SMARCB1: variants seen among roughly 807,000 people sequenced by gnomAD.
SMARCB1 encodes SWI/SNF-related matrix-associated actin-dependent regulator of chromatin subfamily B member 1.
A neutral mutation model predicts 49.0 loss-of-function variants in SMARCB1; 5 were observed. That is an observed-to-expected ratio of 0.10 (90% CI 0.05 to 0.21). SMARCB1 has a LOEUF of 0.21. Among genes scored for constraint, SMARCB1 ranks in the 10% least tolerant of loss-of-function variants. The pLI is 1.00. For missense variants in SMARCB1, 226 were observed against 509.2 expected (o/e 0.44, Z 5.35); for synonymous variants, 201 against 200.1 (o/e 1.00, Z -0.04).
At chr22:23,816,676 G>A in intron 5 of SMARCB1, 94 bp from the exon 6 acceptor site, 1 of 1,191,268 alleles carries the variant, frequency 8.4e-7, no homozygotes, top group Non-Finnish European at 1.2e-6. Flanking sequence ...TGCATCCGGA[G>A]ATGTTTGGCT....
At chr22:23,794,653 G>A (rs567338913) in intron 3 of SMARCB1, among the ~76,000 whole-genome samples, 6 of 152,072 alleles carry the variant, frequency 3.9e-5, no homozygotes, top group South Asian at 2.1e-4. Flanking sequence ...AATCCCAGCA[G>A]TTTGGGAGGC....
intron 3 of SMARCB1, 92 bp downstream of exon 3, chr22:23,793,780 AC>A: frequency 1.1e-6 from 1 of 923,406 alleles, no homozygotes; most frequent in Non-Finnish European, 1.5e-6. Context: ...AAATTGAAAC[AC>A]TTTTTTTTTT....
At chr22:23,789,858 T>G (rs1928265743) in intron 1 of SMARCB1, among the ~76,000 whole-genome samples, 2 of 152,202 alleles carry the variant, frequency 1.3e-5, no homozygotes, top group South Asian at 4.1e-4. Context: ...AGGCACTGTA[T>G]TCAGAGAGGT....
At chr22:23,831,281 T>C (rs993272786) in intron 7 of SMARCB1, among the ~76,000 whole-genome samples, 1 of 152,226 alleles carries the variant, frequency 6.6e-6, no homozygotes, top group African/African-American at 2.4e-5. Flanking sequence ...CATGAGGTCA[T>C]GAAAGTGAGA....
rs868604050 is a variant in SMARCB1 at position 23,837,445 on chromosome 22, A to G, written c.*3265A>G. 4.6e-6 allele frequency: 3 copies of G among 651,440 alleles called. No individual in the cohort carries two copies. Among genetic ancestry groups the G allele is most frequent in the Middle Eastern group, 8.4e-4 (2 of 2,386 alleles). The allele number at this position is 651,440 out of a possible 1,614,324, so 40.4% of individuals were successfully genotyped here. A position where few individuals can be genotyped will look rare whatever the true frequency, so the allele number is the denominator to read the frequency against. ...TCCTCACTCCCATCAGGACCGTGCA[A>G]GCATCAGTAGATCCGTCCTGACGAT... On this transcript the variant is annotated 3_prime_UTR_variant, in exon 9 of 9. Transcript: ENST00000644036.
rs35467918 is a variant in SMARCB1, at chr22:23,814,557, C to T, written c.629-2213C>T. Among the ~76,000 whole-genome samples, 762 of 149,284 alleles carry T rather than the reference C, an allele frequency of 5.1e-3. 7 individuals carry two copies. The highest frequency in any genetic ancestry group is 0.017 in the African/African-American group (703 of 40,472). On this transcript the variant is annotated intron_variant, in intron 5 of 8. Coordinates refer to ENST00000644036, the MANE Select transcript of SMARCB1 (RefSeq NM_003073.5). ...GCGCATGCCTGTAACCCCAGCTACT[C>T]GGGCGGGTGAGGCAGGAGAATCGCT...
At chr22:23,793,119 A>G (rs1180138880) in intron 2 of SMARCB1, 1 of 265,096 alleles carries the variant, frequency 3.8e-6, no homozygotes, top group Non-Finnish European at 7.5e-6. Context: ...TTCATCTTCC[A>G]TTCCATCTCC....
In SMARCB1 at chr22:23,836,928, T is replaced by G. The variant is rs1390772646; in HGVS notation, c.*2748T>G. 7.1e-6 allele frequency: 11 copies of G among 1,555,570 alleles called. No individual in the cohort carries two copies. The highest frequency in any genetic ancestry group is 1.4e-5 in the African/African-American group (1 of 72,790). ...TGTTCCTCAGGGAGGGGCAGGTAAT[T>G]GGGGTCTTCTGCAGGGGCATCCAGG... is the stretch of plus-strand genomic sequence containing the variant. On this transcript the variant is annotated 3_prime_UTR_variant, in exon 9 of 9. Coordinates refer to ENST00000644036, the MANE Select transcript of SMARCB1 (RefSeq NM_003073.5).
At chr22:23,803,608 G>A (rs893448949) in intron 5 of SMARCB1, 186 bp downstream of exon 5, 7 of 735,062 alleles carry the variant, frequency 9.5e-6, no homozygotes, top group Non-Finnish European at 1.6e-5. Context: ...ACTGTGGATT[G>A]GGCCTGTGAA....
intron 7 of SMARCB1, among the ~76,000 whole-genome samples, chr22:23,828,837 T>C (rs2030514987): frequency 6.6e-6 from 1 of 152,172 alleles, no homozygotes; most frequent in Non-Finnish European, 1.5e-5. Context: ...ACAGGACATG[T>C]GTGTGCAAGG....
At chr22:23,800,045 T>G (rs1929045286) in intron 3 of SMARCB1, among the ~76,000 whole-genome samples, 1 of 152,000 alleles carries the variant, frequency 6.6e-6, no homozygotes, top group South Asian at 2.1e-4. Flanking sequence ...GCCAGGCTGG[T>G]CTTGATCTCC....
intron 5 of SMARCB1, chr22:23,816,381 A>G: frequency 2.6e-6 from 1 of 381,740 alleles, no homozygotes. Context: ...CCTCTGTGCC[A>G]TCACGTCTGC....
Position 23,802,589 on chromosome 22 carries a change from C to T in SMARCB1, c.501-706C>T, listed in dbSNP as rs145978043. 26 of 161,262 alleles carry T rather than the reference C, an allele frequency of 1.6e-4. No homozygotes were observed. The East Asian group carries it at 4.6e-3, about 29-fold the overall frequency. 10.0% of individuals were successfully genotyped at this position (161,262 alleles called of 1,614,324 possible). Reference sequence around the variant, plus strand: ...CAGCGCATTCATGCCTGGCACTCAGCTCACTTTTCTCTGTCTTCCATCTAC... The same window carrying T: ...CAGCGCATTCATGCCTGGCACTCAGTTCACTTTTCTCTGTCTTCCATCTAC... On this transcript the variant is annotated intron_variant, in intron 4 of 8. Coordinates refer to ENST00000644036, the MANE Select transcript of SMARCB1 (RefSeq NM_003073.5).
intron 3 of SMARCB1, among the ~76,000 whole-genome samples, chr22:23,799,068 A>AG: frequency 6.6e-6 from 1 of 150,868 alleles, no homozygotes; most frequent in African/African-American, 2.4e-5. Flanking sequence ...AAAAAAAAAA[A>AG]GTTTGTCATG....
chr22:23,829,053 G>A (rs1317695891), intron 7 of SMARCB1, among the ~76,000 whole-genome samples: 1 of 152,234 alleles, frequency 6.6e-6, no homozygotes, highest in Non-Finnish European at 1.5e-5. Flanking sequence ...AGCGAAAGGA[G>A]GGAGACAGGG....
chr22:23,797,863 T>A (rs1254026746), intron 3 of SMARCB1, among the ~76,000 whole-genome samples: 1 of 146,920 alleles, frequency 6.8e-6, no homozygotes, highest in African/African-American at 2.5e-5. Context: ...AGGTGATCCG[T>A]CCGCCTCGGC....
chr22:23,794,401 C>T (rs1333363827), intron 3 of SMARCB1, among the ~76,000 whole-genome samples: 1 of 152,090 alleles, frequency 6.6e-6, no homozygotes, highest in Non-Finnish European at 1.5e-5. Context: ...AAGTGGGACT[C>T]GTGGGGCACA....
At chr22:23,806,702 A>C (rs1286888529) in intron 5 of SMARCB1, among the ~76,000 whole-genome samples, 6 of 152,128 alleles carry the variant, frequency 3.9e-5, no homozygotes, top group Non-Finnish European at 7.4e-5. Flanking sequence ...TGGGAAGATC[A>C]CTTGAGGCCA....
At chr22:23,823,016 T>A (rs1433389210) in intron 6 of SMARCB1, 2 of 133,394 alleles carry the variant, frequency 1.5e-5, no homozygotes, top group Non-Finnish European at 3.1e-5. Flanking sequence ...AGTCTCGCTG[T>A]GTTGCCCAGG....
Sources: allele counts gnomAD v4.1 joint callset (sites outside exome capture counted in the v4.1 genomes callset), GRCh38; gene constraint gnomAD v4.1.1; transcripts MANE v1.5; gene names NCBI Gene and HGNC (gene_info 2026-07-23, HGNC 2026-07-21).